Variants in SIK2 observed in about 807,000 individuals in gnomAD.
SIK2 encodes salt inducible kinase 2, also known as serine/threonine-protein kinase SIK2.
SIK2 carries 29 observed loss-of-function variants against 103.2 expected under a neutral mutation model. The ratio of observed to expected loss-of-function variants is 0.28; its 90% confidence interval spans 0.21 to 0.38. The LOEUF (loss-of-function observed/expected upper bound fraction) is 0.38. Ranked by LOEUF, SIK2 falls within the 10% of genes least tolerant of loss-of-function variation. SIK2 has a pLI of 1.00. For missense variants in SIK2, 879 were observed against 1,171.0 expected (o/e 0.75, Z 3.64); for synonymous variants, 412 against 446.1 (o/e 0.92, Z 0.96).
chr11:111,713,530 A>C (rs1238897167), intron 9 of SIK2, among the ~76,000 whole-genome samples: 1 of 152,216 alleles, frequency 6.6e-6, no homozygotes, highest in African/African-American at 2.4e-5. Flanking sequence ...GATAATAAAT[A>C]ATGGTTTCCT....
intron 4 of SIK2, among the ~76,000 whole-genome samples, chr11:111,697,753 T>G (rs1115697): frequency 0.96 from 146,826 of 152,204 alleles, 71,055 homozygotes; most frequent in East Asian, 1. Flanking sequence ...GCACTTTGGG[T>G]GCTGAGGCAG....
rs140641627 is a variant in SIK2, at chr11:111,670,299, G to A, written c.317-17702G>A. 1.6e-3 allele frequency among the ~76,000 whole-genome samples: 239 copies of A among 152,312 alleles called. 2 individuals are homozygous for A. The highest frequency in any genetic ancestry group is 5.3e-3 in the African/African-American group (221 of 41,570). Reference sequence around the variant, plus strand: ...TGGCACAAGCTGCAACCTAACTATAGTAGTTTAAAATACTGTGAATGAAAT... The same window carrying A: ...TGGCACAAGCTGCAACCTAACTATAATAGTTTAAAATACTGTGAATGAAAT... On this transcript the variant is annotated intron_variant, in intron 3 of 14. Coordinates refer to ENST00000304987, the MANE Select transcript of SIK2 (RefSeq NM_015191.3).
At chr11:111,704,135 A>G (rs1314046714) in intron 7 of SIK2, among the ~76,000 whole-genome samples, 1 of 152,238 alleles carries the variant, frequency 6.6e-6, no homozygotes, top group Non-Finnish European at 1.5e-5. Context: ...CCACGTAGCC[A>G]TAAGTGAAAC....
chr11:111,608,143 A>G (rs1021357870), intron 1 of SIK2, among the ~76,000 whole-genome samples: 1 of 152,210 alleles, frequency 6.6e-6, no homozygotes, highest in African/African-American at 2.4e-5. Flanking sequence ...AACTTTCTTT[A>G]TTCAGAACAT....
In SIK2 at chr11:111,712,281, C is replaced by T. The variant is rs1416704314; in HGVS notation, c.1172C>T (p.Pro391Leu). The part of the protein sequence containing the change: ...NMRLLRSALL[P>L]QASNVEAFSF... ...AGGCTGCTGCGATCTGCCCTCCTCC[C>T]CCAGGCATCCAACGTGGAGGCCTTT... The change falls in exon 9 of 15, where the codon CCC becomes CTC. Residue 391 changes from proline to leucine, a missense_variant. This residue lies in a region of SIK2 where 222 missense variants were observed against 258.0 expected (regional missense o/e 0.86). Coordinates refer to ENST00000304987, the MANE Select transcript of SIK2 (RefSeq NM_015191.3). 1 of 1,614,118 alleles carries T rather than the reference C, an allele frequency of 6.2e-7. No homozygotes were observed. Among genetic ancestry groups the T allele is most frequent in the Non-Finnish European group, 8.5e-7 (1 of 1,180,040 alleles).
chr11:111,698,772 T>G (rs1242040870), intron 4 of SIK2, among the ~76,000 whole-genome samples: 1 of 152,198 alleles, frequency 6.6e-6, no homozygotes, highest in Non-Finnish European at 1.5e-5. Context: ...TATCCTCAAT[T>G]TACAGGCACT....
intron 4 of SIK2, among the ~76,000 whole-genome samples, chr11:111,692,351 A>C (rs1248175013): frequency 8.6e-5 from 1 of 11,584 alleles, no homozygotes; most frequent in Non-Finnish European, 2.1e-4. Context: ...ACTCAGTCTC[A>C]AAAAAAAAAA....
intron 3 of SIK2, among the ~76,000 whole-genome samples, chr11:111,682,079 G>A (rs561590814): frequency 6.1e-4 from 93 of 152,246 alleles, no homozygotes; most frequent in African/African-American, 2.2e-3. Context: ...ATCTTTAATT[G>A]AAGGATCAGG....
chr11:111,677,986 A>G (rs762618238), intron 3 of SIK2, among the ~76,000 whole-genome samples: 7 of 152,216 alleles, frequency 4.6e-5, no homozygotes, highest in Non-Finnish European at 8.8e-5. Context: ...GGCTATCAAT[A>G]TTTTAAGATA....
At chr11:111,623,186 T>C (rs79623112) in intron 3 of SIK2, among the ~76,000 whole-genome samples, 3 of 152,226 alleles carry the variant, frequency 2.0e-5, no homozygotes, top group Admixed American at 6.5e-5. Context: ...TCCCATCCAG[T>C]GTATTTGTCA....
At chr11:111,622,838 A>G (rs1047158359) in intron 3 of SIK2, among the ~76,000 whole-genome samples, 8 of 151,802 alleles carry the variant, frequency 5.3e-5, no homozygotes, top group African/African-American at 1.2e-4. Context: ...AAGGCTTTCT[A>G]TTTACCACTG....
At chr11:111,716,891 AG>A (rs1375976664) in intron 9 of SIK2, among the ~76,000 whole-genome samples, 8 of 152,326 alleles carry the variant, frequency 5.3e-5, no homozygotes, top group African/African-American at 1.9e-4. Flanking sequence ...CATCTGACAA[AG>A]GTCTAATATC....
intron 7 of SIK2, among the ~76,000 whole-genome samples, chr11:111,704,579 G>T (rs1339393001): frequency 6.6e-6 from 1 of 152,166 alleles, no homozygotes; most frequent in African/African-American, 2.4e-5. Flanking sequence ...GTTTTCAGTG[G>T]TTCAGATTTG....
intron 3 of SIK2, among the ~76,000 whole-genome samples, chr11:111,651,131 T>A (rs904949861): frequency 3.3e-5 from 5 of 152,218 alleles, no homozygotes; most frequent in Non-Finnish European, 7.3e-5. Flanking sequence ...GTTCTTTAAT[T>A]TACTAAGGTA....
At chr11:111,626,014 T>G (rs1425680268) in intron 3 of SIK2, among the ~76,000 whole-genome samples, 1 of 152,220 alleles carries the variant, frequency 6.6e-6, no homozygotes, top group African/African-American at 2.4e-5. Context: ...ATTACATTGT[T>G]TTATACACAT....
chr11:111,608,427 T>C (rs1941676580), intron 1 of SIK2, among the ~76,000 whole-genome samples: 1 of 152,194 alleles, frequency 6.6e-6, no homozygotes, highest in Admixed American at 6.5e-5. Flanking sequence ...GTAAACATTG[T>C]TGAAAAGCCC....
At position 111,723,805 on chromosome 11, in the gene SIK2, G is replaced by T; in HGVS notation, c.2457G>T (p.Gln819His). ...CTCCTCCTCTGCCCACGCAGCTACA[G>T]CAGCAGCAGCCGCCACCGCCACCAC... The part of the protein sequence containing the change: ...RAAPPLPTQL[Q>H]QQQPPPPPPP... The change falls in exon 15 of 15, where the codon CAG becomes CAT. Residue 819 changes from glutamine to histidine, a missense_variant. By Grantham distance (24) the Gln-to-His change is conservative (BLOSUM62 0). Transcript: ENST00000304987. The T allele has an allele frequency of 6.2e-7, 1 of 1,613,284 alleles. No homozygotes were observed. The highest frequency in any genetic ancestry group is 8.5e-7 in the Non-Finnish European group (1 of 1,179,914).
intron 1 of SIK2, among the ~76,000 whole-genome samples, chr11:111,603,468 T>C (rs1487343244): frequency 2.0e-5 from 3 of 152,098 alleles, no homozygotes; most frequent in African/African-American, 4.8e-5. Context: ...TACGCATTCT[T>C]TAAACCATAT....
intron 3 of SIK2, among the ~76,000 whole-genome samples, chr11:111,658,928 G>A (rs1440044608): frequency 6.6e-6 from 1 of 152,084 alleles, no homozygotes; most frequent in Non-Finnish European, 1.5e-5. Context: ...AAAATGCAGA[G>A]CCCGGCATTC....
Sources: allele counts gnomAD v4.1 joint callset (sites outside exome capture counted in the v4.1 genomes callset), GRCh38; gene constraint gnomAD v4.1.1; regional missense constraint gnomAD v4.1.1; transcripts MANE v1.5; gene names NCBI Gene and HGNC (gene_info 2026-07-23, HGNC 2026-07-21).